PI4KA: variants seen among roughly 807,000 people sequenced by gnomAD.
The protein encoded by PI4KA is PI4-kinase alpha.
PI4KA carries 122 observed loss-of-function variants against 271.4 expected under a neutral mutation model. The ratio of observed to expected loss-of-function variants is 0.45; its 90% CI spans 0.39 to 0.52. The LOEUF (loss-of-function observed/expected upper bound fraction) is 0.52. PI4KA is among the 20% of genes least tolerant of loss of function. The probability of loss-of-function intolerance (pLI) is 0.00; values close to 1 mark genes in which losing one functional copy is unlikely to be tolerated. For synonymous variants in PI4KA, 1,041 were observed against 1,078.8 expected (o/e 0.96, Z 0.69); for missense variants, 1,969 against 2,769.1 (o/e 0.71, Z 6.48).
At chr22:20,858,507 C>T in intron 1 of PI4KA, 63 bp downstream of exon 1, 1 of 1,198,050 alleles carries the variant, frequency 8.3e-7, no homozygotes, top group Non-Finnish European at 1.1e-6. Context: ...CTCGTCCCGC[C>T]TCCACGCTTC....
chr22:20,765,735 G>T, intron 19 of PI4KA, 42 bp from the exon 20 acceptor site: 8 of 1,306,086 alleles, frequency 6.1e-6, no homozygotes, highest in African/African-American at 1.4e-5. Flanking sequence ...GTTATTTGCT[G>T]AGGAAACCCT....
intron 8 of PI4KA, 93 bp from the exon 9 acceptor site, chr22:20,811,125 G>T: frequency 1.1e-6 from 1 of 903,428 alleles, no homozygotes; most frequent in Non-Finnish European, 1.9e-6. Flanking sequence ...AAACTCACAT[G>T]GTGAAAAATG....
intron 19 of PI4KA, among the ~76,000 whole-genome samples, chr22:20,767,614 C>T (rs1932653171): frequency 6.6e-6 from 1 of 151,846 alleles, no homozygotes; most frequent in Non-Finnish European, 1.5e-5. Context: ...AGGTGTGCTC[C>T]ACCATGTCCA....
In PI4KA at chr22:20,811,842, T is replaced by C. The variant is rs554303895; in HGVS notation, c.1006-810A>G. On this transcript the variant is annotated intron_variant, in intron 8 of 54. Coordinates refer to ENST00000255882, the MANE Select transcript of PI4KA (RefSeq NM_058004.4). ...TCCTGGCTAACAAGGTGAAACCCTG[T>C]TTCTACTAAAAATACAAAAACTTAG... is the stretch of plus-strand genomic sequence containing the variant. Among the ~76,000 whole-genome samples the C allele has an allele frequency of 2.0e-4, 31 of 151,234 alleles. No homozygotes were observed. In the South Asian group the frequency reaches 6.0e-3, roughly 29 times the overall value.
At chr22:20,814,275 T>C (rs1921447669) in intron 7 of PI4KA, among the ~76,000 whole-genome samples, 1 of 152,156 alleles carries the variant, frequency 6.6e-6, no homozygotes, top group Admixed American at 6.6e-5. Flanking sequence ...TCCCACTTAT[T>C]AGAGGAACTT....
chr22:20,815,859 C>T lies in PI4KA; in HGVS notation c.857-2353G>A, dbSNP rs1921735085. 2.6e-5 allele frequency among the ~76,000 whole-genome samples: 4 copies of T among 152,172 alleles called. No homozygotes were observed. In the South Asian group the frequency reaches 6.2e-4, roughly 24 times the overall value. ...GTGTGGCTGAACCCCACAGAGGACA[C>T]AGATGATGGCAAACGACAGGGGCTG... is the stretch of plus-strand genomic sequence containing the variant. On this transcript the variant is annotated intron_variant, in intron 7 of 54. Coordinates refer to ENST00000255882, the MANE Select transcript of PI4KA (RefSeq NM_058004.4).
At position 20,803,299 on chromosome 22, in the gene PI4KA, T is replaced by C; in HGVS notation, c.1483A>G (p.Arg495Gly). The change falls in exon 13 of 55, where the codon AGG becomes GGG. Residue 495 changes from arginine (R) to glycine (G), a missense_variant. By Grantham distance (125) the Arg-to-Gly change is moderately radical. Around this residue, in one of 13 missense-constraint regions of PI4KA, gnomAD observed 228 missense variants for 261.6 expected, o/e 0.87. Transcript: ENST00000255882. The stretch of plus-strand genomic sequence containing the variant: ...ACAGAGTGCACCACCACCGGGAACC[T>C]CTCGCACAGGCGGCCCAAACCCTGC... Reference protein sequence around the residue: ...CLQGLGRLCERFPVVVHSVTP... With the variant: ...CLQGLGRLCEGFPVVVHSVTP... The C allele has an allele frequency of 1.9e-6, 3 of 1,614,056 alleles. No homozygotes were observed. The highest frequency in any genetic ancestry group is 2.5e-6 in the Non-Finnish European group (3 of 1,179,960).
At chr22:20,822,004 G>A (rs1240011033) in intron 4 of PI4KA, among the ~76,000 whole-genome samples, 1 of 152,160 alleles carries the variant, frequency 6.6e-6, no homozygotes, top group Non-Finnish European at 1.5e-5. Context: ...ACAAAAATTA[G>A]CCAGGTGTGG....
chr22:20,766,708 C>T (rs745431370), intron 19 of PI4KA, among the ~76,000 whole-genome samples: 3 of 152,164 alleles, frequency 2.0e-5, no homozygotes, highest in Non-Finnish European at 4.4e-5. Context: ...CCCAGCTGGA[C>T]AGGCTGATCC....
At chr22:20,772,551 G>T (rs1205682518) in intron 19 of PI4KA, among the ~76,000 whole-genome samples, 2 of 152,156 alleles carry the variant, frequency 1.3e-5, no homozygotes, top group African/African-American at 4.8e-5. Context: ...TCTGTGTCCT[G>T]AACACAATGG....
At chr22:20,717,160 G>A (rs890477244) in intron 45 of PI4KA, among the ~76,000 whole-genome samples, 6 of 152,278 alleles carry the variant, frequency 3.9e-5, no homozygotes, top group East Asian at 3.9e-4. Context: ...GCGACACAGC[G>A]AAACTCCATC....
chr22:20,761,165 T>C (rs1474173846), intron 23 of PI4KA, 139 bp downstream of exon 23: 1 of 639,278 alleles, frequency 1.6e-6, no homozygotes, highest in Admixed American at 2.6e-5. Flanking sequence ...GAAGGCTATA[T>C]GTTTTATACT....
rs140387029 is a variant in PI4KA, at chr22:20,725,467, A to G, written c.4995+1021T>C. ...GTATTTGGAGATAGGGTCTTTATAGAGATGATTAAGGTAAAATGAGGTCAA... is the reference window on the plus strand; with the variant it reads ...GTATTTGGAGATAGGGTCTTTATAGGGATGATTAAGGTAAAATGAGGTCAA... On this transcript the variant is annotated intron_variant, in intron 42 of 54. Transcript: ENST00000255882. 8.4e-4 allele frequency: 359 copies of G among 427,866 alleles called. 2 individuals carry two copies. Among genetic ancestry groups the G allele is most frequent in the African/African-American group, 5.8e-3 (283 of 48,992 alleles). 26.5% of individuals were successfully genotyped at this position (427,866 alleles called of 1,614,324 possible).
At chr22:20,855,100 C>T (rs1436879271) in intron 1 of PI4KA, among the ~76,000 whole-genome samples, 2 of 150,046 alleles carry the variant, frequency 1.3e-5, no homozygotes, top group South Asian at 2.1e-4. Flanking sequence ...TGCAGTGAAC[C>T]GAGATCATGC....
intron 2 of PI4KA, among the ~76,000 whole-genome samples, chr22:20,835,709 G>A (rs370975539): frequency 6.6e-6 from 1 of 151,950 alleles, no homozygotes; most frequent in Non-Finnish European, 1.5e-5. Context: ...TCCAGCCTGC[G>A]CAAGAGAGTG....
Position 20,824,403 on chromosome 22 carries a change from C to T in PI4KA, c.379G>A (p.Val127Ile). 1 of 1,612,480 alleles carries T rather than the reference C, an allele frequency of 6.2e-7. No homozygotes were observed. Among genetic ancestry groups the T allele is most frequent in the Non-Finnish European group, 8.5e-7 (1 of 1,178,974 alleles). The change falls in exon 4 of 55, where the codon GTT (valine) becomes ATT (isoleucine). Residue 127 changes from valine (V) to isoleucine (I), a missense_variant. Coordinates refer to ENST00000255882, the MANE Select transcript of PI4KA (RefSeq NM_058004.4). ...TARKGRGALP[V>I]AESFSFCLVT... is the part of the protein sequence containing the mutation. ...AAGCAGAAGCTGAAGCTCTCTGCAA[C>T]CGGGAGGGCACCTGGAAGATGTAAA...
chr22:20,827,788 A>C (rs1197655679), intron 3 of PI4KA, among the ~76,000 whole-genome samples: 1 of 151,842 alleles, frequency 6.6e-6, no homozygotes, highest in African/African-American at 2.4e-5. Flanking sequence ...CTGTATTCCA[A>C]GGTATTTTAT....
chr22:20,720,172 G>A (rs1002653933), intron 43 of PI4KA, among the ~76,000 whole-genome samples: 48 of 151,942 alleles, frequency 3.2e-4, no homozygotes, highest in African/African-American at 1.1e-3. Context: ...AATGCCCACC[G>A]TTTGATGTTA....
intron 23 of PI4KA, among the ~76,000 whole-genome samples, chr22:20,758,305 C>T (rs1197945200): frequency 1.5e-5 from 2 of 131,426 alleles, no homozygotes; most frequent in Non-Finnish European, 3.1e-5. Context: ...GCGGAGCTTG[C>T]AGTCAGCTGA....
Sources: allele counts gnomAD v4.1 joint callset (sites outside exome capture counted in the v4.1 genomes callset), GRCh38; gene constraint gnomAD v4.1.1; regional missense constraint gnomAD v4.1.1; transcripts MANE v1.5; gene names NCBI Gene and HGNC (gene_info 2026-07-23, HGNC 2026-07-21).